The following RABGAP1L variants were observed in gnomAD, a reference collection of about 807,000 sequenced individuals.
RABGAP1L encodes the protein RAB GTPase activating protein 1 like, also known as rab GTPase-activating protein 1-like.
Under a neutral mutation model 137.7 loss-of-function variants are expected in RABGAP1L, and 63 were observed. The observed-to-expected ratio is 0.46, with a 90% CI of 0.37 to 0.56. The LOEUF (loss-of-function observed/expected upper bound fraction) is 0.56. Ranked by LOEUF, RABGAP1L falls within the 20% of genes least tolerant of loss-of-function variation. RABGAP1L has a pLI of 0.00. For missense variants in RABGAP1L, 1,095 were observed against 1,244.0 expected, an observed-to-expected ratio of 0.88 and a Z score of 1.80; for synonymous variants, 431 against 433.7, an observed-to-expected ratio of 0.99 and a Z score of 0.08.
At chr1:174,711,801 G>T (rs1199062275) in intron 17 of RABGAP1L, among the ~76,000 whole-genome samples, 1 of 152,224 alleles carries the variant, frequency 6.6e-6, no homozygotes, top group African/African-American at 2.4e-5. Flanking sequence ...ACATGGCATG[G>T]GACTGGTGGG....
intron 20 of RABGAP1L, among the ~76,000 whole-genome samples, chr1:174,966,952 A>G (rs1480566917): frequency 6.6e-6 from 1 of 152,046 alleles, no homozygotes; most frequent in African/African-American, 2.4e-5. Context: ...TAATAAAACT[A>G]TTTTTTAAAT....
chr1:174,882,641 T>A (rs6425302), intron 19 of RABGAP1L, among the ~76,000 whole-genome samples: 57,126 of 152,092 alleles, frequency 0.38, 13,086 homozygotes, highest in African/African-American at 0.65. Context: ...AAAGTAAATG[T>A]TGATGCAAGA....
chr1:174,833,394 G>A (rs367895262), intron 19 of RABGAP1L, among the ~76,000 whole-genome samples: 11,118 of 55,744 alleles, frequency 0.2, 1,013 homozygotes, highest in East Asian at 0.44. Flanking sequence ...GTGTGTGTGT[G>A]TGTGTGTATG....
intron 19 of RABGAP1L, among the ~76,000 whole-genome samples, chr1:174,910,684 A>AT (rs750434141): frequency 1.3e-5 from 2 of 152,248 alleles, no homozygotes; most frequent in Non-Finnish European, 2.9e-5. Flanking sequence ...CACAAAACTG[A>AT]TAGAACTGAT....
At chr1:174,818,692 G>A (rs534173690) in intron 19 of RABGAP1L, among the ~76,000 whole-genome samples, 2 of 151,536 alleles carry the variant, frequency 1.3e-5, no homozygotes, top group East Asian at 1.9e-4. Context: ...CCTGGGCAAC[G>A]AAGTGAGACC....
intron 13 of RABGAP1L, among the ~76,000 whole-genome samples, chr1:174,421,808 G>T (rs1429887631): frequency 6.6e-6 from 1 of 152,156 alleles, no homozygotes; most frequent in Non-Finnish European, 1.5e-5. Context: ...TCACTCTGTT[G>T]CCCAGGCTGG....
At chr1:174,923,878 C>CAAAAAAAA (rs1176474943) in intron 19 of RABGAP1L, among the ~76,000 whole-genome samples, 3 of 87,196 alleles carry the variant, frequency 3.4e-5, no homozygotes, top group Admixed American at 1.3e-4. Flanking sequence ...GAGACTGTCT[C>CAAAAAAAA]AAAAAAAAAA....
chr1:174,655,624 G>A (rs547068983), intron 14 of RABGAP1L, among the ~76,000 whole-genome samples: 1 of 152,182 alleles, frequency 6.6e-6, no homozygotes, highest in South Asian at 2.1e-4. Context: ...TAATTAATAG[G>A]TATTTTGTGT....
chr1:174,945,115 A>G (rs1397968507), intron 19 of RABGAP1L, among the ~76,000 whole-genome samples: 1 of 152,206 alleles, frequency 6.6e-6, no homozygotes, highest in Non-Finnish European at 1.5e-5. Flanking sequence ...CTGTGTTCAA[A>G]TAGTTTAATT....
intron 7 of RABGAP1L, among the ~76,000 whole-genome samples, chr1:174,269,222 G>T (rs1367326918): frequency 6.6e-6 from 1 of 152,240 alleles, no homozygotes; most frequent in African/African-American, 2.4e-5. Flanking sequence ...GGATTTACAG[G>T]CGTGAGCCAC....
intron 13 of RABGAP1L, among the ~76,000 whole-genome samples, chr1:174,547,008 C>T (rs1170515129): frequency 6.4e-5 from 7 of 109,050 alleles, no homozygotes; most frequent in Admixed American, 1.4e-4. Context: ...CCAGCCTGGG[C>T]GAAAGAGCGA....
At chr1:174,874,576 GC>G in intron 19 of RABGAP1L, 2 of 501,184 alleles carry the variant, frequency 4.0e-6, no homozygotes, top group Non-Finnish European at 4.9e-6. Flanking sequence ...CCACACCACT[GC>G]CTTTTTTTTT....
chr1:174,590,284 A>G (rs1321921530), intron 13 of RABGAP1L, among the ~76,000 whole-genome samples: 1 of 150,422 alleles, frequency 6.6e-6, no homozygotes, highest in Admixed American at 6.6e-5. Flanking sequence ...ATGAGACTGT[A>G]AAGTTATTTT....
intron 11 of RABGAP1L, among the ~76,000 whole-genome samples, chr1:174,347,433 C>T (rs1413892134): frequency 6.7e-6 from 1 of 150,264 alleles, no homozygotes; most frequent in Non-Finnish European, 1.5e-5. Flanking sequence ...TATTCTGTTG[C>T]TGAATTGACC....
At chr1:174,968,500 GT>G (rs5778822) in intron 20 of RABGAP1L, among the ~76,000 whole-genome samples, 1 of 147,088 alleles carries the variant, frequency 6.8e-6, no homozygotes, top group Non-Finnish European at 1.5e-5. Context: ...TAGTGACTTG[GT>G]TTTTTTTTTT....
chr1:174,240,914 A>C (rs1206531286), intron 4 of RABGAP1L, among the ~76,000 whole-genome samples: 1 of 145,158 alleles, frequency 6.9e-6, no homozygotes, highest in Non-Finnish European at 1.5e-5. Flanking sequence ...GAAGATAATA[A>C]AGAATTTATG....
intron 11 of RABGAP1L, among the ~76,000 whole-genome samples, chr1:174,322,965 A>G (rs2148832860): frequency 6.6e-6 from 1 of 152,292 alleles, no homozygotes; most frequent in East Asian, 1.9e-4. Flanking sequence ...AATGTCATCC[A>G]AAAATGCCAT....
chr1:174,233,334 A>G (rs565179597), intron 4 of RABGAP1L, among the ~76,000 whole-genome samples: 7 of 151,230 alleles, frequency 4.6e-5, no homozygotes, highest in African/African-American at 1.7e-4. Context: ...TTACATATGT[A>G]TACATGTGCC....
intron 13 of RABGAP1L, among the ~76,000 whole-genome samples, chr1:174,580,634 G>C (rs867464258): frequency 1.3e-5 from 2 of 152,094 alleles, no homozygotes. Flanking sequence ...CTGCTGTGGG[G>C]TGGGAGGAGG....
Sources: gnomAD v4.1 joint callset for allele counts (sites outside exome capture counted in the v4.1 genomes callset) on GRCh38, gnomAD v4.1.1 for gene constraint, MANE v1.5 for transcripts, NCBI Gene and HGNC (gene_info 2026-07-23, HGNC 2026-07-21) for gene names.